MYT1L: variants seen among roughly 807,000 people sequenced by gnomAD.
MYT1L encodes the protein myelin transcription factor 1-like protein.
A neutral mutation model predicts 126.7 loss-of-function variants in MYT1L; 12 were observed. The observed-to-expected ratio is 0.09, with a 90% CI of 0.06 to 0.15. MYT1L has a LOEUF of 0.15. Among genes scored for constraint, MYT1L ranks in the 10% least tolerant of loss-of-function variants. The pLI is 1.00. For missense variants in MYT1L, 979 were observed against 1,585.2 expected, an observed-to-expected ratio of 0.62 and a Z score of 6.49; for synonymous variants, 541 against 604.2, an observed-to-expected ratio of 0.90 and a Z score of 1.53.
chr2:2,010,660 T>C (rs1223155141), intron 4 of MYT1L, among the ~76,000 whole-genome samples: 3 of 152,182 alleles, frequency 2.0e-5, no homozygotes, highest in Non-Finnish European at 4.4e-5. Flanking sequence ...ATTACATCCA[T>C]GATCTTCTAT....
At chr2:2,101,070 G>C (rs191015350) in intron 3 of MYT1L, among the ~76,000 whole-genome samples, 1 of 152,274 alleles carries the variant, frequency 6.6e-6, no homozygotes, top group East Asian at 1.9e-4. Flanking sequence ...CTGGTTGCCT[G>C]AGCTTTGATT....
chr2:2,014,720 T>C (rs76824292), intron 4 of MYT1L, among the ~76,000 whole-genome samples: 5,708 of 152,288 alleles, frequency 0.037, 146 homozygotes, highest in Non-Finnish European at 0.05. Context: ...AGGCCAAGAA[T>C]GGCCAGCAAG....
chr2:1,834,682 A>G (rs1175226526), intron 21 of MYT1L, among the ~76,000 whole-genome samples: 2 of 152,254 alleles, frequency 1.3e-5, no homozygotes, highest in African/African-American at 2.4e-5. Flanking sequence ...GCAGCTGAGG[A>G]AGGGCGAGTC....
intron 9 of MYT1L, among the ~76,000 whole-genome samples, chr2:1,924,995 T>A (rs4853821): frequency 3.3e-5 from 5 of 152,076 alleles, no homozygotes; most frequent in Non-Finnish European, 7.4e-5. Flanking sequence ...ATTACAGAAG[T>A]TTCCTCAGAA....
intron 2 of MYT1L, among the ~76,000 whole-genome samples, chr2:2,276,432 G>C (rs935323937): frequency 6.6e-6 from 1 of 152,160 alleles, no homozygotes; most frequent in Non-Finnish European, 1.5e-5. Context: ...TTACAAATAT[G>C]TCAGTTAATT....
rs560646015 is a variant in MYT1L at position 2,313,663 on chromosome 2, T to C, written c.-521+17304A>G. On this transcript the variant is annotated intron_variant, in intron 1 of 24. Coordinates refer to ENST00000647738, the MANE Select transcript of MYT1L (RefSeq NM_001303052.2). ...GTAAAGTGCCAAGGGTGTGGCTATATACTATATACCATATAATACTGTCTT... is the reference window on the plus strand; with the variant it reads ...GTAAAGTGCCAAGGGTGTGGCTATACACTATATACCATATAATACTGTCTT... 2.0e-5 allele frequency among the ~76,000 whole-genome samples: 3 copies of C among 152,270 alleles called. No homozygotes were observed. In the East Asian group the frequency reaches 5.8e-4, roughly 29 times the overall value.
intron 3 of MYT1L, among the ~76,000 whole-genome samples, chr2:2,112,979 G>C (rs1201057013): frequency 6.6e-6 from 1 of 152,184 alleles, no homozygotes; most frequent in Non-Finnish European, 1.5e-5. Flanking sequence ...GCCTGATACA[G>C]TGCTTGGAAG....
chr2:1,851,525 C>G, intron 19 of MYT1L, 116 bp downstream of exon 19: 1 of 934,242 alleles, frequency 1.1e-6, no homozygotes. Flanking sequence ...GTCTCTAGAT[C>G]CTTAATTTTG....
chr2:2,297,893 A>G (rs1490523619), intron 1 of MYT1L, among the ~76,000 whole-genome samples: 2 of 152,240 alleles, frequency 1.3e-5, no homozygotes, highest in African/African-American at 2.4e-5. Flanking sequence ...AGGATGCCTG[A>G]GCCCTTCATT....
At chr2:2,324,112 C>T (rs1371714973) in intron 1 of MYT1L, 1 of 152,154 alleles carries the variant, frequency 6.6e-6, no homozygotes, top group Non-Finnish European at 1.5e-5. Context: ...CAACTTTGCT[C>T]CACTTTGGGA....
chr2:2,313,134 T>G (rs1459680742), intron 1 of MYT1L, among the ~76,000 whole-genome samples: 1 of 152,184 alleles, frequency 6.6e-6, no homozygotes, highest in Non-Finnish European at 1.5e-5. Flanking sequence ...TTCACTACCT[T>G]CAATACATCA....
intron 4 of MYT1L, among the ~76,000 whole-genome samples, chr2:2,024,027 A>T (rs1327771904): frequency 6.6e-6 from 1 of 152,208 alleles, no homozygotes; most frequent in Non-Finnish European, 1.5e-5. Context: ...TTCCGAGAAG[A>T]TATTTTACGT....
intron 18 of MYT1L, among the ~76,000 whole-genome samples, chr2:1,872,815 G>C (rs1188993625): frequency 1.3e-5 from 2 of 152,038 alleles, no homozygotes; most frequent in Non-Finnish European, 2.9e-5. Flanking sequence ...AGCTTATTTT[G>C]GGCACCACCA....
At chr2:2,222,325 T>C (rs2148993027) in intron 2 of MYT1L, among the ~76,000 whole-genome samples, 1 of 152,052 alleles carries the variant, frequency 6.6e-6, no homozygotes, top group South Asian at 2.1e-4. Context: ...AGAAACCCTG[T>C]CTCTACTAAA....
rs1049756878 is a variant in MYT1L at position 1,943,621 on chromosome 2, G to A, written c.153-287C>T. 6.6e-6 allele frequency among the ~76,000 whole-genome samples: 1 copy of A among 152,170 alleles called. No homozygotes were observed. ...GTTCCTATAATTCCAGAGATCCTAC[G>A]AAAATTCATGAGATTGGTTTGCATA... On this transcript the variant is annotated intron_variant, in intron 8 of 24. Coordinates refer to ENST00000647738, the MANE Select transcript of MYT1L (RefSeq NM_001303052.2). This position sits in a 1 kb window ranked among gnomAD's most constrained non-coding sequence, Gnocchi z 4.4.
rs1488143984 is a variant in MYT1L at position 1,881,362 on chromosome 2, G to GTGTA, written c.2711+5176_2711+5177insTACA. Among the ~76,000 whole-genome samples, 271 of 72,790 alleles carry GTGTA rather than the reference G, an allele frequency of 3.7e-3. 3 individuals are homozygous for GTGTA. Among genetic ancestry groups the GTGTA allele is most frequent in the African/African-American group, 0.021 (219 of 10,262 alleles). 47.8% of individuals were successfully genotyped at this position (72,790 alleles called of 152,430 possible). A position where few individuals can be genotyped will look rare whatever the true frequency, so the allele number is the denominator to read the frequency against. On this transcript the variant is annotated intron_variant, in intron 18 of 24. Coordinates refer to ENST00000647738, the MANE Select transcript of MYT1L (RefSeq NM_001303052.2). Reference sequence around the variant, plus strand: ...ATTGTTGGTTTGCAGGTTCGTGTGTGTGTGTGTGTGTGTGTGTGTGTGTGT... The same window carrying GTGTA: ...ATTGTTGGTTTGCAGGTTCGTGTGTGTGTATGTGTGTGTGTGTGTGTGTGTGTGT...
At chr2:1,817,410 C>T (rs1484927574) in intron 21 of MYT1L, among the ~76,000 whole-genome samples, 4 of 152,232 alleles carry the variant, frequency 2.6e-5, no homozygotes, top group African/African-American at 9.6e-5. Context: ...CAGTCTCACG[C>T]TGCTTCTCTT....
chr2:1,813,844 G>A (rs1206740282), intron 21 of MYT1L, among the ~76,000 whole-genome samples: 5 of 119,872 alleles, frequency 4.2e-5, no homozygotes, highest in East Asian at 4.9e-4. Flanking sequence ...TGGCTAACAC[G>A]GTGAAACCCC....
intron 2 of MYT1L, among the ~76,000 whole-genome samples, chr2:2,193,114 A>G (rs2092665391): frequency 6.6e-6 from 1 of 151,874 alleles, no homozygotes; most frequent in Non-Finnish European, 1.5e-5. Flanking sequence ...AGTAGCTGGG[A>G]TTATAGGTGC....
Sources: gnomAD v4.1 joint callset for allele counts (sites outside exome capture counted in the v4.1 genomes callset) on GRCh38, gnomAD v4.1.1 for gene constraint, Gnocchi (gnomAD v3.1) non-coding constraint, MANE v1.5 for transcripts, NCBI Gene and HGNC (gene_info 2026-07-23, HGNC 2026-07-21) for gene names.